The following DHX36 variants were observed in gnomAD, a reference collection of about 807,000 sequenced individuals.
The protein encoded by DHX36 is ATP-dependent DNA/RNA helicase DHX36.
Under a neutral mutation model 139.0 loss-of-function variants are expected in DHX36, and 50 were observed. That is an observed-to-expected ratio of 0.36 (90% confidence interval 0.29 to 0.46). DHX36 has a LOEUF of 0.46. DHX36 is among the 20% of genes least tolerant of loss of function. The pLI, the probability that DHX36 is intolerant of heterozygous loss-of-function variation, is 1.00. For synonymous variants in DHX36, 425 were observed against 401.9 expected (o/e 1.06, Z -0.69); for missense variants, 1,024 against 1,211.3 (o/e 0.85, Z 2.29).
At position 154,275,134 on chromosome 3, in the gene DHX36, T is replaced by G. The variant is rs1047774665; in HGVS notation, c.*1037A>C. Reference sequence around the variant, plus strand: ...TTGTCCCTCAGTATCTGTGGGGGACTGGTTTCCAACCCCAACCCCTCAAAT... The same window carrying G: ...TTGTCCCTCAGTATCTGTGGGGGACGGGTTTCCAACCCCAACCCCTCAAAT... On this transcript the variant is annotated 3_prime_UTR_variant, in exon 25 of 25. Transcript: ENST00000496811. 2 of 152,212 alleles carry G rather than the reference T, an allele frequency of 1.3e-5. No homozygotes were observed. The highest frequency in any genetic ancestry group is 4.8e-5 in the African/African-American group (2 of 41,428). The allele number at this position is 152,212 out of a possible 1,614,324, so 9.4% of individuals were successfully genotyped here.
chr3:154,302,286 T>C (rs764721167), intron 9 of DHX36, among the ~76,000 whole-genome samples: 5 of 152,214 alleles, frequency 3.3e-5, no homozygotes, highest in South Asian at 2.1e-4. Context: ...TTGGATTAAC[T>C]TGGTTACTCA....
intron 1 of DHX36, chr3:154,318,967 A>G (rs779027925): frequency 6.6e-6 from 1 of 152,216 alleles, no homozygotes; most frequent in Non-Finnish European, 1.5e-5. Context: ...TACAATGAGC[A>G]TGTATGATTA....
intron 9 of DHX36, 26 bp downstream of exon 9, chr3:154,303,303 T>G: frequency 2.7e-6 from 4 of 1,508,942 alleles, no homozygotes; most frequent in Non-Finnish European, 3.6e-6. Flanking sequence ...CTTTTTAATG[T>G]TTTTTATTTC....
intron 12 of DHX36, among the ~76,000 whole-genome samples, chr3:154,296,309 C>T (rs983918031): frequency 1.3e-5 from 2 of 152,016 alleles, no homozygotes; most frequent in African/African-American, 4.8e-5. Flanking sequence ...CCCGTCTATA[C>T]TAAAAATACA....
intron 14 of DHX36, among the ~76,000 whole-genome samples, 195 bp downstream of exon 14, chr3:154,293,553 G>A (rs1711909454): frequency 6.6e-6 from 1 of 152,116 alleles, no homozygotes; most frequent in Admixed American, 6.5e-5. Flanking sequence ...CTGCACTGCA[G>A]CATGGGTGAC....
At chr3:154,317,055 CGAAA>C (rs1424567088) in intron 1 of DHX36, among the ~76,000 whole-genome samples, 8 of 151,786 alleles carry the variant, frequency 5.3e-5, no homozygotes, top group Non-Finnish European at 1.0e-4. Context: ...AGTCAAAAAT[CGAAA>C]GAAAGAAACC....
chr3:154,310,755 G>A (rs1476154077), intron 4 of DHX36, among the ~76,000 whole-genome samples: 1 of 103,760 alleles, frequency 9.6e-6, no homozygotes, highest in African/African-American at 3.8e-5. Flanking sequence ...CTCCAGCCTG[G>A]CAACAGAGCA....
At chr3:154,293,173 C>A (rs140766141) in intron 14 of DHX36, among the ~76,000 whole-genome samples, 1 of 152,100 alleles carries the variant, frequency 6.6e-6, no homozygotes, top group Non-Finnish European at 1.5e-5. Flanking sequence ...CAGAAACAGG[C>A]GAAAGGACAA....
rs1719088524 is a variant in DHX36, at chr3:154,274,476, G to A, written c.*1695C>T. The A allele has an allele frequency of 6.6e-6, 1 of 152,482 alleles. No individual in the cohort carries two copies. Among genetic ancestry groups the A allele is most frequent in the East Asian group, 1.9e-4 (1 of 5,218 alleles). 9.4% of individuals were successfully genotyped at this position (152,482 alleles called of 1,614,324 possible). ...CTGAAGCTTACCGGCATTATCAAAG[G>A]CTCTGGTGAGTTCTATCTTTCCACT... On this transcript the variant is annotated 3_prime_UTR_variant, in exon 25 of 25. Transcript: ENST00000496811.
At position 154,274,317 on chromosome 3, in the gene DHX36, A is replaced by G; in HGVS notation, c.*1854T>C. ...GGCAAGACACTGTCTCCAAAAAACA[A>G]AAAACAAAACAAAACAAAACAAAAA... is the stretch of plus-strand genomic sequence containing the variant. On this transcript the variant is annotated 3_prime_UTR_variant, in exon 25 of 25. Transcript: ENST00000496811. 1 of 190,878 alleles carries G rather than the reference A, an allele frequency of 5.2e-6. No individual in the cohort carries two copies. 11.8% of individuals were successfully genotyped at this position (190,878 alleles called of 1,614,324 possible).
At chr3:154,293,173 C>T (rs140766141) in intron 14 of DHX36, among the ~76,000 whole-genome samples, 1 of 151,982 alleles carries the variant, frequency 6.6e-6, no homozygotes, top group Non-Finnish European at 1.5e-5. Flanking sequence ...CAGAAACAGG[C>T]GAAAGGACAA....
chr3:154,280,974 C>G (rs1719317490), intron 20 of DHX36, 112 bp from the exon 21 acceptor site: 3 of 764,550 alleles, frequency 3.9e-6, no homozygotes, highest in Non-Finnish European at 6.2e-6. Context: ...TATGAAAACA[C>G]TTTAGCAAAC....
chr3:154,276,469 G>T, intron 24 of DHX36, 113 bp from the exon 25 acceptor site: 1 of 1,038,120 alleles, frequency 9.6e-7, no homozygotes. Flanking sequence ...TGGCTCAAAA[G>T]CTAAAACATT....
At chr3:154,314,247 C>A (rs1489979353) in intron 3 of DHX36, among the ~76,000 whole-genome samples, 1 of 152,222 alleles carries the variant, frequency 6.6e-6, no homozygotes, top group Non-Finnish European at 1.5e-5. Flanking sequence ...ACAACCTCAG[C>A]TTATCTATTC....
intron 3 of DHX36, among the ~76,000 whole-genome samples, chr3:154,313,325 G>A (rs1712842404): frequency 6.6e-6 from 1 of 152,126 alleles, no homozygotes; most frequent in Admixed American, 6.5e-5. Flanking sequence ...TAACGAAGAT[G>A]TGAGATAATT....
chr3:154,293,608 T>G (rs1304594596), intron 14 of DHX36, 140 bp downstream of exon 14: 5 of 594,656 alleles, frequency 8.4e-6, no homozygotes, highest in Non-Finnish European at 1.5e-5. Flanking sequence ...AATAAAACTA[T>G]GCTCACTGCC....
chr3:154,322,764 T>C (rs531527973), intron 1 of DHX36, among the ~76,000 whole-genome samples: 14 of 152,350 alleles, frequency 9.2e-5, no homozygotes, highest in African/African-American at 3.1e-4. Flanking sequence ...TGTAAGCTCT[T>C]TGAATACCAC....
chr3:154,280,547 A>T, intron 22 of DHX36, 32 bp downstream of exon 22: 1 of 1,462,394 alleles, frequency 6.8e-7, no homozygotes, highest in Non-Finnish European at 9.5e-7. Context: ...GAAGAGAATT[A>T]CGAGTAATTA....
At chr3:154,295,929 G>A (rs1393618800) in intron 12 of DHX36, among the ~76,000 whole-genome samples, 1 of 151,874 alleles carries the variant, frequency 6.6e-6, no homozygotes, top group Non-Finnish European at 1.5e-5. Flanking sequence ...AACCATGTTT[G>A]GCTAATTTTT....
Sources: gnomAD v4.1 joint callset for allele counts (sites outside exome capture counted in the v4.1 genomes callset) on GRCh38, gnomAD v4.1.1 for gene constraint, MANE v1.5 for transcripts, NCBI Gene and HGNC (gene_info 2026-07-23, HGNC 2026-07-21) for gene names.